Variants in SDC2 observed in about 807,000 individuals in gnomAD.
SDC2 encodes syndecan 2.
SDC2 carries 13 observed loss-of-function variants against 22.2 expected under a neutral mutation model. That is an observed-to-expected ratio of 0.59 (90% confidence interval 0.38 to 0.93). SDC2 has a LOEUF of 0.93. Among genes scored for constraint, SDC2 ranks in the 40% least tolerant of loss-of-function variants. The pLI is 0.00. For synonymous variants in SDC2, 94 were observed against 92.8 expected, an observed-to-expected ratio of 1.01 and a Z score of -0.07; for missense variants, 235 against 246.8, an observed-to-expected ratio of 0.95 and a Z score of 0.32.
intron 1 of SDC2, among the ~76,000 whole-genome samples, chr8:96,552,384 G>C (rs1196634327): frequency 2.0e-5 from 3 of 152,176 alleles, no homozygotes; most frequent in Non-Finnish European, 2.9e-5. Flanking sequence ...TTTCAAAATT[G>C]AGAGAGAAGT....
chr8:96,570,909 G>C, intron 1 of SDC2, among the ~76,000 whole-genome samples: 1 of 152,144 alleles, frequency 6.6e-6, no homozygotes, highest in Admixed American at 6.5e-5. Flanking sequence ...GTTACCGGGG[G>C]AAGGGAGAAT....
intron 1 of SDC2, among the ~76,000 whole-genome samples, chr8:96,592,865 G>A (rs1814806285): frequency 6.6e-6 from 1 of 152,210 alleles, no homozygotes; most frequent in Admixed American, 6.5e-5. Context: ...TGAGCCTCAC[G>A]GGCGCTGCTC....
intron 1 of SDC2, among the ~76,000 whole-genome samples, chr8:96,553,287 A>G (rs1814055504): frequency 6.6e-6 from 1 of 152,192 alleles, no homozygotes; most frequent in Non-Finnish European, 1.5e-5. Context: ...TATAAAATAT[A>G]TATTCTAATT....
chr8:96,502,344 C>G (rs370347323), intron 1 of SDC2, among the ~76,000 whole-genome samples: 1 of 152,184 alleles, frequency 6.6e-6, no homozygotes, highest in African/African-American at 2.4e-5. Context: ...GGGATTATTA[C>G]AGTTCAAGGT....
At chr8:96,591,433 C>G (rs532448456) in intron 1 of SDC2, among the ~76,000 whole-genome samples, 1 of 152,198 alleles carries the variant, frequency 6.6e-6, no homozygotes, top group African/African-American at 2.4e-5. Context: ...AAACCTCAGT[C>G]CAAGGCCAAT....
intron 1 of SDC2, among the ~76,000 whole-genome samples, chr8:96,565,980 G>C (rs1814293615): frequency 6.6e-6 from 1 of 151,846 alleles, no homozygotes. Context: ...TTCCTGCCCT[G>C]TACACCACGT....
intron 1 of SDC2, among the ~76,000 whole-genome samples, chr8:96,573,813 C>A (rs990728244): frequency 1.3e-5 from 2 of 152,126 alleles, no homozygotes; most frequent in African/African-American, 4.8e-5. Context: ...GAACATCCCT[C>A]ATTTGCTTAC....
At chr8:96,533,482 T>G (rs1041804210) in intron 1 of SDC2, among the ~76,000 whole-genome samples, 1 of 152,106 alleles carries the variant, frequency 6.6e-6, no homozygotes, top group African/African-American at 2.4e-5. Flanking sequence ...TTGCAAACCT[T>G]GAGCTAGACA....
At chr8:96,579,055 T>G (rs966361274) in intron 1 of SDC2, among the ~76,000 whole-genome samples, 9 of 152,204 alleles carry the variant, frequency 5.9e-5, no homozygotes, top group African/African-American at 2.2e-4. Context: ...AAATAGCAGT[T>G]AAGTTTTTTT....
chr8:96,519,654 A>AT (rs970023870), intron 1 of SDC2, among the ~76,000 whole-genome samples: 17 of 149,320 alleles, frequency 1.1e-4, no homozygotes, highest in African/African-American at 2.2e-4. Flanking sequence ...AGTAGTATAA[A>AT]TTTTTTTTTT....
chr8:96,513,006 C>T (rs1198661291), intron 1 of SDC2, among the ~76,000 whole-genome samples: 1 of 151,994 alleles, frequency 6.6e-6, no homozygotes, highest in East Asian at 1.9e-4. Context: ...ATACTTTATA[C>T]TTAGTACTTT....
intron 1 of SDC2, among the ~76,000 whole-genome samples, chr8:96,514,610 C>T (rs1331357108): frequency 6.6e-6 from 1 of 152,126 alleles, no homozygotes; most frequent in Non-Finnish European, 1.5e-5. Context: ...GGTCCCCAAC[C>T]TTTCTGGCAC....
chr8:96,567,305 C>T (rs1814316547), intron 1 of SDC2, among the ~76,000 whole-genome samples: 1 of 152,188 alleles, frequency 6.6e-6, no homozygotes, highest in Admixed American at 6.5e-5. Context: ...GCAATTTGAA[C>T]AGAAAGTGGC....
At chr8:96,516,136 A>G (rs1813398362) in intron 1 of SDC2, among the ~76,000 whole-genome samples, 1 of 152,174 alleles carries the variant, frequency 6.6e-6, no homozygotes, top group African/African-American at 2.4e-5. Flanking sequence ...AAACATACTG[A>G]AGTTACAGAA....
At chr8:96,587,600 A>G (rs1814708111) in intron 1 of SDC2, among the ~76,000 whole-genome samples, 1 of 152,202 alleles carries the variant, frequency 6.6e-6, no homozygotes, top group Non-Finnish European at 1.5e-5. Context: ...GGCTCCAGGC[A>G]TCTTCCATGT....
chr8:96,553,927 C>G (rs138329122), intron 1 of SDC2, among the ~76,000 whole-genome samples: 2 of 152,022 alleles, frequency 1.3e-5, no homozygotes, highest in East Asian at 3.9e-4. Context: ...CATGCCATGC[C>G]CAACCAGTTT....
At chr8:96,573,821 T>C (rs914808673) in intron 1 of SDC2, among the ~76,000 whole-genome samples, 8 of 152,090 alleles carry the variant, frequency 5.3e-5, no homozygotes, top group African/African-American at 1.7e-4. Flanking sequence ...CTCATTTGCT[T>C]ACAGAAGAAA....
chr8:96,547,088 T>C (rs950571259), intron 1 of SDC2, among the ~76,000 whole-genome samples: 1 of 152,226 alleles, frequency 6.6e-6, no homozygotes, highest in African/African-American at 2.4e-5. Flanking sequence ...AGAATGAAAA[T>C]GAGCCATTTC....
intron 1 of SDC2, among the ~76,000 whole-genome samples, chr8:96,578,028 CA>C (rs1333681388): frequency 1.3e-5 from 2 of 152,184 alleles, no homozygotes; most frequent in African/African-American, 4.8e-5. Context: ...CAGCACATAG[CA>C]GTTGTTTGAT....
Sources: gnomAD v4.1 joint callset for allele counts (sites outside exome capture counted in the v4.1 genomes callset) on GRCh38, gnomAD v4.1.1 for gene constraint, MANE v1.5 for transcripts, NCBI Gene and HGNC (gene_info 2026-07-23, HGNC 2026-07-21) for gene names.